The following VCL variants were observed in gnomAD, a reference collection of about 807,000 sequenced individuals.
VCL encodes the protein vinculin, also known as epididymis luminal protein 114.
A neutral mutation model predicts 125.7 loss-of-function variants in VCL; 47 were observed. That is an observed-to-expected ratio of 0.37 (90% CI 0.30 to 0.48). The LOEUF (loss-of-function observed/expected upper bound fraction) is 0.48, where lower values mean the gene tolerates loss of function less well. VCL is among the 20% of genes least tolerant of loss of function. The pLI is 0.99. For synonymous variants in VCL, 458 were observed against 514.6 expected, an observed-to-expected ratio of 0.89 and a Z score of 1.49; for missense variants, 1,069 against 1,455.5, an observed-to-expected ratio of 0.73 and a Z score of 4.32.
chr10:74,112,305 T>C (rs368717923), intron 19 of VCL, among the ~76,000 whole-genome samples, 193 bp downstream of exon 19: 263 of 152,256 alleles, frequency 1.7e-3, no homozygotes, highest in African/African-American at 5.3e-3. Context: ...TTAATTGGAC[T>C]GCATTTATGT....
chr10:74,017,045 C>CTTTTTTTT (rs1840555514), intron 1 of VCL, among the ~76,000 whole-genome samples: 2 of 99,288 alleles, frequency 2.0e-5, no homozygotes, highest in African/African-American at 4.4e-5. Flanking sequence ...GAATTTCCTT[C>CTTTTTTTT]CTTTTTTTTT....
intron 2 of VCL, among the ~76,000 whole-genome samples, chr10:74,048,432 A>C (rs1193360858): frequency 6.7e-6 from 1 of 150,212 alleles, no homozygotes; most frequent in Non-Finnish European, 1.5e-5. Context: ...CATGCCATGC[A>C]TTCCAGCCTG....
chr10:74,043,473 A>C (rs2136249126), intron 2 of VCL, among the ~76,000 whole-genome samples: 1 of 151,992 alleles, frequency 6.6e-6, no homozygotes, highest in East Asian at 1.9e-4. Context: ...CAGCCTCTGG[A>C]ATAGCTTGGA....
At chr10:74,114,153 G>A in intron 19 of VCL, 31 bp from the exon 20 acceptor site, 2 of 1,610,658 alleles carry the variant, frequency 1.2e-6, no homozygotes, top group Non-Finnish European at 1.7e-6. Context: ...AGCGTGGGCA[G>A]AGCTCACACT....
chr10:74,037,068 G>A lies in VCL; in HGVS notation c.169-6015G>A, dbSNP rs576808497. ...TGGGACTACAGGCGCCCGCCACCAC[G>A]CCCGGCTAATTTTTTGTATTTTTAG... is the stretch of plus-strand genomic sequence containing the variant. On this transcript the variant is annotated intron_variant, in intron 1 of 21. Coordinates refer to ENST00000211998, the MANE Select transcript of VCL (RefSeq NM_014000.3). Among the ~76,000 whole-genome samples, 3 of 151,968 alleles carry A rather than the reference G, an allele frequency of 2.0e-5. No homozygotes were observed. The South Asian group carries it at 6.2e-4, about 32-fold the overall frequency.
chr10:74,118,899 C>T lies in VCL; in HGVS notation c.*730C>T, dbSNP rs1840352781. On this transcript the variant is annotated 3_prime_UTR_variant, in exon 22 of 22. Transcript: ENST00000211998. ...CTGAGCAATGTCTGTGCTAGGGAAA[C>T]TTCCCGTCCCATATCCTGCCTCAGC... The T allele has an allele frequency of 6.5e-6, 1 of 153,612 alleles. No individual in the cohort carries two copies. The highest frequency in any genetic ancestry group is 1.5e-5 in the Non-Finnish European group (1 of 68,816). The allele number at this position is 153,612 out of a possible 1,614,324, so 9.5% of individuals were successfully genotyped here. A position where few individuals can be genotyped will look rare whatever the true frequency, so the allele number is the denominator to read the frequency against.
intron 2 of VCL, among the ~76,000 whole-genome samples, chr10:74,054,186 C>A (rs1230122504): frequency 6.6e-6 from 1 of 151,994 alleles, no homozygotes; most frequent in African/African-American, 2.4e-5. Flanking sequence ...TTTTTTATAG[C>A]CTAATTTGTC....
chr10:74,074,373 C>T (rs150702929), intron 5 of VCL, among the ~76,000 whole-genome samples: 34 of 152,274 alleles, frequency 2.2e-4, no homozygotes, highest in African/African-American at 7.2e-4. Flanking sequence ...CAGAGTATTA[C>T]TGACAGTTTT....
chr10:74,023,861 A>T (rs1320093266), intron 1 of VCL, among the ~76,000 whole-genome samples: 1 of 152,242 alleles, frequency 6.6e-6, no homozygotes, highest in Non-Finnish European at 1.5e-5. Flanking sequence ...CTATCAATAC[A>T]TCTCAGCCAG....
chr10:74,098,092 C>T (rs1394916264), intron 13 of VCL, among the ~76,000 whole-genome samples: 1 of 152,176 alleles, frequency 6.6e-6, no homozygotes, highest in African/African-American at 2.4e-5. Context: ...TTTCTTTGCT[C>T]TCGTGTGGTA....
At position 73,998,139 on chromosome 10, in the gene VCL, C is replaced by G. The variant is rs1156681278; in HGVS notation, c.-69C>G. Reference sequence around the variant, plus strand: ...GTAGTCGCTGCACAGTCTGTCTCTTCGCCGGTTCCCGGCCCCGTGGATCCT... The same window carrying G: ...GTAGTCGCTGCACAGTCTGTCTCTTGGCCGGTTCCCGGCCCCGTGGATCCT... On this transcript the variant is annotated 5_prime_UTR_variant, in exon 1 of 22. Transcript: ENST00000211998. 1.2e-5 allele frequency: 19 copies of G among 1,573,834 alleles called. No individual in the cohort carries two copies. Among genetic ancestry groups the G allele is most frequent in the Non-Finnish European group, 1.6e-5 (19 of 1,160,354 alleles).
intron 1 of VCL, among the ~76,000 whole-genome samples, chr10:74,017,065 T>TTTTTTTTTTTG: frequency 8.5e-6 from 1 of 117,808 alleles, no homozygotes; most frequent in Non-Finnish European, 1.9e-5. Flanking sequence ...TTTTTTTTTT[T>TTTTTTTTTTTG]GAGACGGAGT....
intron 11 of VCL, among the ~76,000 whole-genome samples, chr10:74,095,420 G>C (rs1399278478): frequency 6.6e-6 from 1 of 152,056 alleles, no homozygotes; most frequent in Non-Finnish European, 1.5e-5. Context: ...GTGAGACCCT[G>C]TCTCTCTAAA....
intron 2 of VCL, among the ~76,000 whole-genome samples, chr10:74,043,925 T>G (rs1014337944): frequency 6.6e-6 from 1 of 151,472 alleles, no homozygotes; most frequent in East Asian, 2.0e-4. Context: ...CTGGCTAACA[T>G]GGTGAAACCC....
intron 2 of VCL, among the ~76,000 whole-genome samples, chr10:74,049,495 C>A (rs574320159): frequency 6.6e-6 from 1 of 152,228 alleles, no homozygotes; most frequent in African/African-American, 2.4e-5. Context: ...AGAGCTCTCT[C>A]ATTATAAGTA....
intron 2 of VCL, among the ~76,000 whole-genome samples, chr10:74,065,137 CTTTTT>C (rs756851934): frequency 7.5e-6 from 1 of 133,410 alleles, no homozygotes; most frequent in Admixed American, 7.5e-5. Flanking sequence ...AATCCCAGCA[CTTTTT>C]TTTTTTTTTT....
rs1840115634 is a variant in VCL at position 74,105,362 on chromosome 10, T to A, written c.2434+9T>A. The A allele has an allele frequency of 1.2e-6, 2 of 1,611,932 alleles. No individual in the cohort carries two copies. Among genetic ancestry groups the A allele is most frequent in the African/African-American group, 2.7e-5 (2 of 74,850 alleles). ...AAACATTTCCGACCCTGGTAAGCAATGCATGGCACTATGTCTCACCTCCAC... is the reference window on the plus strand; with the variant it reads ...AAACATTTCCGACCCTGGTAAGCAAAGCATGGCACTATGTCTCACCTCCAC... On this transcript the variant is annotated intron_variant, in intron 16 of 21. Transcript: ENST00000211998.
At chr10:74,096,612 A>T (rs1424880734) in intron 12 of VCL, among the ~76,000 whole-genome samples, 1 of 152,324 alleles carries the variant, frequency 6.6e-6, no homozygotes, top group African/African-American at 2.4e-5. Context: ...TGTGATGACT[A>T]TGAAAAAGAG....
At chr10:74,069,489 T>C (rs1841628148) in intron 2 of VCL, among the ~76,000 whole-genome samples, 1 of 152,214 alleles carries the variant, frequency 6.6e-6, no homozygotes, top group African/African-American at 2.4e-5. Context: ...CATAAGTTGG[T>C]TTAATTCTAC....
Sources: allele counts gnomAD v4.1 joint callset (sites outside exome capture counted in the v4.1 genomes callset), GRCh38; gene constraint gnomAD v4.1.1; transcripts MANE v1.5; gene names NCBI Gene and HGNC (gene_info 2026-07-23, HGNC 2026-07-21).